The following CNNM4 variants were observed in gnomAD, a reference collection of about 807,000 sequenced individuals.
CNNM4 encodes cyclin and CBS domain divalent metal cation transport mediator 4.
CNNM4 carries 32 observed loss-of-function variants against 53.7 expected under a neutral mutation model. The observed-to-expected ratio is 0.60, with a 90% confidence interval of 0.45 to 0.80. The LOEUF is 0.80. CNNM4 is among the 30% of genes least tolerant of loss of function. The pLI, the probability that CNNM4 is intolerant of heterozygous loss-of-function variation, is 0.00. For missense variants in CNNM4, 784 were observed against 1,022.0 expected (o/e 0.77, Z 3.17); for synonymous variants, 410 against 440.0 (o/e 0.93, Z 0.85).
At chr2:96,798,220 AG>A (rs1010595477) in intron 3 of CNNM4, 119 of 174,410 alleles carry the variant, frequency 6.8e-4, no homozygotes, top group African/African-American at 2.8e-3. Flanking sequence ...CCACAGAACA[AG>A]ATTCTGTCTC....
rs1553479684 is a variant in CNNM4, at chr2:96,806,533, A to ACACG, written c.1949-2026_1949-2023dup. 5.0e-3 allele frequency among the ~76,000 whole-genome samples: 693 copies of ACACG among 138,604 alleles called. 5 individuals carry two copies. The highest frequency in any genetic ancestry group is 7.8e-3 in the Non-Finnish European group (490 of 62,918). 90.9% of individuals were successfully genotyped at this position (138,604 alleles called of 152,430 possible). The stretch of plus-strand genomic sequence containing the variant: ...CACACACACACACACACACACACAC[A>ACACG]CACGCGCGCGCGCGCGCGCGCCCTT... On this transcript the variant is annotated intron_variant, in intron 5 of 6. Transcript: ENST00000377075.
chr2:96,762,529 A>C, intron 1 of CNNM4, 128 bp downstream of exon 1: 1 of 927,096 alleles, frequency 1.1e-6, no homozygotes, highest in Non-Finnish European at 1.7e-6. Flanking sequence ...ATCGCTTCCT[A>C]TGCTTCTGAG....
chr2:96,806,845 AAGATTGTTACAACTCTTATTCGAGATTCG>A (rs2079213241), intron 5 of CNNM4, among the ~76,000 whole-genome samples: 1 of 152,134 alleles, frequency 6.6e-6, no homozygotes, highest in African/African-American at 2.4e-5. Context: ...TTCCTTATTC[AAGATTGTTACAACTCTTATTCGAGATTCG>A]AGATTGTTAC....
chr2:96,778,567 A>G (rs1035222167), intron 1 of CNNM4, among the ~76,000 whole-genome samples: 8 of 151,874 alleles, frequency 5.3e-5, no homozygotes, highest in Non-Finnish European at 1.0e-4. Flanking sequence ...AAAAAAAAAA[A>G]AAAAATTATT....
intron 1 of CNNM4, among the ~76,000 whole-genome samples, chr2:96,778,871 T>C (rs1451872271): frequency 1.3e-5 from 2 of 152,204 alleles, no homozygotes; most frequent in Non-Finnish European, 2.9e-5. Context: ...CCATATATAT[T>C]TGTGGTGTAC....
At position 96,808,765 on chromosome 2, in the gene CNNM4, T is replaced by A; in HGVS notation, c.2130+23T>A. On this transcript the variant is annotated intron_variant, in intron 6 of 6. Transcript: ENST00000377075. The surrounding 1 kb of genome is among the most constrained non-coding windows in gnomAD (Gnocchi z 4.9). The stretch of plus-strand genomic sequence containing the variant: ...AAGGTGAGTGCCTCACTGCCCTGTC[T>A]GGGCAGTGCTATCTTCTGCTCAGGA... The A allele has an allele frequency of 6.2e-7, 1 of 1,604,450 alleles. No individual in the cohort carries two copies. Among genetic ancestry groups the A allele is most frequent in the Non-Finnish European group, 8.5e-7 (1 of 1,171,236 alleles).
Position 96,789,841 on chromosome 2 carries a change from C to T in CNNM4, c.1403-7171C>T, listed in dbSNP as rs564368809. On this transcript the variant is annotated intron_variant, in intron 1 of 6. Coordinates refer to ENST00000377075, the MANE Select transcript of CNNM4 (RefSeq NM_020184.4). ...CTGAGTAGCTGGGATTACAGGCCCG[C>T]GCCACCACGCCTGGCTAATTTTTGT... Among the ~76,000 whole-genome samples, 424 of 150,612 alleles carry T rather than the reference C, an allele frequency of 2.8e-3. 3 individuals are homozygous for T. Among genetic ancestry groups the T allele is most frequent in the African/African-American group, 9.8e-3 (400 of 40,968 alleles).
intron 1 of CNNM4, among the ~76,000 whole-genome samples, chr2:96,771,131 G>A (rs951433232): frequency 1.3e-5 from 2 of 152,062 alleles, no homozygotes; most frequent in African/African-American, 2.4e-5. Flanking sequence ...CAGCCCCTGT[G>A]TCTGCTGCCA....
Position 96,797,777 on chromosome 2 carries a change from C to G in CNNM4, c.1681+130C>G. On this transcript the variant is annotated intron_variant, in intron 3 of 6. Transcript: ENST00000377075. This position sits in a 1 kb window ranked among gnomAD's most constrained non-coding sequence, Gnocchi z 6.0. ...GAGGGGTGCAGAGACAACACAGCCACCCCTGGAAGGGGCCGGGTATCTGCT... is the reference window on the plus strand; with the variant it reads ...GAGGGGTGCAGAGACAACACAGCCAGCCCTGGAAGGGGCCGGGTATCTGCT... The G allele has an allele frequency of 7.8e-7, 1 of 1,283,624 alleles. No homozygotes were observed. Among genetic ancestry groups the G allele is most frequent in the Non-Finnish European group, 1.1e-6 (1 of 915,450 alleles). 79.5% of individuals were successfully genotyped at this position (1,283,624 alleles called of 1,614,324 possible). A position where few individuals can be genotyped will look rare whatever the true frequency, so the allele number is the denominator to read the frequency against.
At chr2:96,778,793 C>T (rs1034700657) in intron 1 of CNNM4, among the ~76,000 whole-genome samples, 9 of 151,920 alleles carry the variant, frequency 5.9e-5, no homozygotes, top group Admixed American at 3.9e-4. Context: ...ATTGCAAATA[C>T]ATTCTCCCAC....
Position 96,772,021 on chromosome 2 carries a change from G to A in CNNM4, c.1402+9620G>A, listed in dbSNP as rs920382879. Among the ~76,000 whole-genome samples, 36 of 152,118 alleles carry A rather than the reference G, an allele frequency of 2.4e-4. 1 individual carries two copies. Among genetic ancestry groups the A allele is most frequent in the African/African-American group, 8.7e-4 (36 of 41,394 alleles). ...CCATGCTGCAGGGCTGATTTACTGT[G>A]AAGGGGTAGGGTTGTTGCAGGACTG... On this transcript the variant is annotated intron_variant, in intron 1 of 6. Coordinates refer to ENST00000377075, the MANE Select transcript of CNNM4 (RefSeq NM_020184.4).
At chr2:96,787,628 T>C (rs1178899084) in intron 1 of CNNM4, among the ~76,000 whole-genome samples, 1 of 152,120 alleles carries the variant, frequency 6.6e-6, no homozygotes, top group Non-Finnish European at 1.5e-5. Context: ...GAGGCCATGG[T>C]GGGAGGATCG....
intron 1 of CNNM4, among the ~76,000 whole-genome samples, chr2:96,793,464 A>C (rs2079078613): frequency 1.3e-5 from 2 of 152,172 alleles, no homozygotes; most frequent in African/African-American, 4.8e-5. Context: ...CAGCTTGCAG[A>C]GGAGGGGTGA....
At position 96,810,742 on chromosome 2, in the gene CNNM4, G is replaced by C. The variant is rs1445790015; in HGVS notation, c.*1225G>C. 1 of 152,230 alleles carries C rather than the reference G, an allele frequency of 6.6e-6. No individual in the cohort carries two copies. The highest frequency in any genetic ancestry group is 1.5e-5 in the Non-Finnish European group (1 of 68,056). 9.4% of individuals were successfully genotyped at this position (152,230 alleles called of 1,614,324 possible). On this transcript the variant is annotated 3_prime_UTR_variant, in exon 7 of 7. Coordinates refer to ENST00000377075, the MANE Select transcript of CNNM4 (RefSeq NM_020184.4). The surrounding 1 kb of genome is among the most constrained non-coding windows in gnomAD (Gnocchi z 4.1). Reference sequence around the variant, plus strand: ...CACTTATGGAACCTCAGGAGAGGAGGGCTCCTCCTAAAGGCATGCAGCTTG... The same window carrying C: ...CACTTATGGAACCTCAGGAGAGGAGCGCTCCTCCTAAAGGCATGCAGCTTG...
rs2078853471 is a variant in CNNM4 at position 96,769,848 on chromosome 2, A to G, written c.1402+7447A>G. ...AGCCCTGCCTGGTAATAGCCTCAAT[A>G]TGGTGATTTGATCTCAAGAAGCTGC... On this transcript the variant is annotated intron_variant, in intron 1 of 6. Coordinates refer to ENST00000377075, the MANE Select transcript of CNNM4 (RefSeq NM_020184.4). Among the ~76,000 whole-genome samples the G allele has an allele frequency of 2.0e-5, 3 of 152,154 alleles. No individual in the cohort carries two copies. The South Asian group carries it at 6.2e-4, about 32-fold the overall frequency.
In CNNM4 at chr2:96,762,374, G is replaced by A. The variant is rs1558977588; in HGVS notation, c.1375G>A (p.Asp459Asn). Reference sequence around the variant, plus strand: ...CTTTGTCTTCCATGACACCAAGTTGGATGCCATGCTGGAGGAGTTCAAGAA... The same window carrying A: ...CTTTGTCTTCCATGACACCAAGTTGAATGCCATGCTGGAGGAGTTCAAGAA... ...VHFVFHDTKL[D>N]AMLEEFKKGK... Residue 459 changes from aspartate (D) to asparagine (N), a missense_variant, in exon 1 of 7, where the codon GAT becomes AAT. Physicochemically the swap from Asp to Asn is conservative, Grantham distance 23 (BLOSUM62 1). Around this residue, in one of 3 missense-constraint regions of CNNM4, gnomAD observed 473 missense variants for 624.6 expected, o/e 0.76. Coordinates refer to ENST00000377075, the MANE Select transcript of CNNM4 (RefSeq NM_020184.4). The A allele has an allele frequency of 1.9e-6, 3 of 1,614,204 alleles. No individual in the cohort carries two copies. Among genetic ancestry groups the A allele is most frequent in the Non-Finnish European group, 2.5e-6 (3 of 1,180,046 alleles).
At chr2:96,768,408 G>C (rs1456341260) in intron 1 of CNNM4, among the ~76,000 whole-genome samples, 2 of 152,198 alleles carry the variant, frequency 1.3e-5, no homozygotes, top group Non-Finnish European at 2.9e-5. Context: ...ACCAAGGAGA[G>C]AGACACGTGA....
At chr2:96,769,585 G>A (rs1366143529) in intron 1 of CNNM4, among the ~76,000 whole-genome samples, 1 of 151,250 alleles carries the variant, frequency 6.6e-6, no homozygotes, top group Non-Finnish European at 1.5e-5. Context: ...AAAAAAGAAT[G>A]TGTGAGAGAG....
chr2:96,785,037 C>G (rs1446882762), intron 1 of CNNM4, among the ~76,000 whole-genome samples: 1 of 152,078 alleles, frequency 6.6e-6, no homozygotes, highest in African/African-American at 2.4e-5. Context: ...ACCACCACGC[C>G]CAGCTAATTT....
Sources: gnomAD v4.1 joint callset for allele counts (sites outside exome capture counted in the v4.1 genomes callset) on GRCh38, gnomAD v4.1.1 for gene constraint, gnomAD v4.1.1 regional missense constraint, Gnocchi (gnomAD v3.1) non-coding constraint, MANE v1.5 for transcripts, NCBI Gene and HGNC (gene_info 2026-07-23, HGNC 2026-07-21) for gene names.